ME1: variants seen among roughly 807,000 people sequenced by gnomAD.
ME1 encodes the protein NADP-dependent malic enzyme.
In ME1, 74 loss-of-function variants were observed where a neutral mutation model predicts 66.4. The ratio of observed to expected loss-of-function variants is 1.11; its 90% CI spans 0.92 to 1.35. The LOEUF (loss-of-function observed/expected upper bound fraction) is 1.35. Among genes scored for constraint, ME1 ranks in the 40% most tolerant of loss-of-function variants. The pLI is 0.00. For synonymous variants in ME1, 251 were observed against 235.6 expected (o/e 1.07, Z -0.60); for missense variants, 750 against 694.1 (o/e 1.08, Z -0.90).
chr6:83,242,465 G>C (rs1274843883), intron 7 of ME1, among the ~76,000 whole-genome samples: 1 of 151,922 alleles, frequency 6.6e-6, no homozygotes, highest in Non-Finnish European at 1.5e-5. Context: ...GAAGTAGCAG[G>C]GGGATGGGTG....
chr6:83,266,563 C>G (rs1327794376), intron 6 of ME1, among the ~76,000 whole-genome samples: 1 of 152,118 alleles, frequency 6.6e-6, no homozygotes, highest in African/African-American at 2.4e-5. Context: ...TATTGTCTAA[C>G]ACTAATCAAA....
At chr6:83,387,929 A>G (rs1769542420) in intron 3 of ME1, among the ~76,000 whole-genome samples, 1 of 152,144 alleles carries the variant, frequency 6.6e-6, no homozygotes, top group Admixed American at 6.5e-5. Flanking sequence ...AAATGTTAGG[A>G]CATTTTAACT....
intron 6 of ME1, among the ~76,000 whole-genome samples, chr6:83,305,634 A>AT (rs1767810032): frequency 6.6e-6 from 1 of 152,142 alleles, no homozygotes; most frequent in Non-Finnish European, 1.5e-5. Flanking sequence ...AGCACATCAT[A>AT]GAGGTCAGGA....
At chr6:83,237,256 A>AAAG (rs1256307286) in intron 9 of ME1, among the ~76,000 whole-genome samples, 1 of 103,950 alleles carries the variant, frequency 9.6e-6, no homozygotes, top group Admixed American at 9.9e-5. Context: ...AGAAAGAAAG[A>AAAG]AAGAAAGAAA....
chr6:83,389,717 T>TA (rs1209340734), intron 3 of ME1, among the ~76,000 whole-genome samples: 2 of 151,558 alleles, frequency 1.3e-5, no homozygotes, highest in Non-Finnish European at 2.9e-5. Context: ...AACTTTTCTT[T>TA]AAAAAAAAGT....
chr6:83,416,710 G>A (rs1483963330), intron 1 of ME1, among the ~76,000 whole-genome samples: 2 of 152,000 alleles, frequency 1.3e-5, no homozygotes, highest in African/African-American at 2.4e-5. Flanking sequence ...GCAACATAGT[G>A]AGATCCCCAT....
chr6:83,345,285 G>C (rs903055638), intron 5 of ME1, among the ~76,000 whole-genome samples: 5 of 152,204 alleles, frequency 3.3e-5, no homozygotes, highest in South Asian at 2.1e-4. Context: ...GATAAGCAAT[G>C]TATTTTTATT....
rs3216577 is a variant in ME1, at chr6:83,221,158, C to CAAAAAAAAAAA, written c.1449+2601_1449+2602insTTTTTTTTTTT. On this transcript the variant is annotated intron_variant, in intron 12 of 13. Coordinates refer to ENST00000369705, the MANE Select transcript of ME1 (RefSeq NM_002395.6). ...TTGGCAACAGAGCGAGACTCCGTCT[C>CAAAAAAAAAAA]AAAAAAAAAAGATAATCTACAATTT... is the stretch of plus-strand genomic sequence containing the variant. 7.0e-5 allele frequency among the ~76,000 whole-genome samples: 10 copies of CAAAAAAAAAAA among 143,304 alleles called. No individual in the cohort carries two copies. In the East Asian group the frequency reaches 8.2e-4, roughly 12 times the overall value. 94.0% of individuals were successfully genotyped at this position (143,304 alleles called of 152,430 possible). A position where few individuals can be genotyped will look rare whatever the true frequency, so the allele number is the denominator to read the frequency against.
chr6:83,345,047 T>C (rs905310656), intron 5 of ME1, among the ~76,000 whole-genome samples: 1 of 152,130 alleles, frequency 6.6e-6, no homozygotes, highest in Non-Finnish European at 1.5e-5. Context: ...GCCCAGGTTG[T>C]AGTCCAATTG....
chr6:83,235,723 C>T (rs1365216665), intron 9 of ME1, among the ~76,000 whole-genome samples: 12 of 152,090 alleles, frequency 7.9e-5, no homozygotes, highest in African/African-American at 2.9e-4. Flanking sequence ...CCACCCGCCT[C>T]GGCCTCCCAA....
chr6:83,356,293 G>A (rs1428588486), intron 3 of ME1, among the ~76,000 whole-genome samples: 1 of 152,020 alleles, frequency 6.6e-6, no homozygotes, highest in African/African-American at 2.4e-5. Flanking sequence ...AATAAGAAAA[G>A]TAAACCCCAC....
chr6:83,273,395 C>G (rs1041977634), intron 6 of ME1, among the ~76,000 whole-genome samples: 2 of 152,080 alleles, frequency 1.3e-5, no homozygotes, highest in African/African-American at 4.8e-5. Flanking sequence ...GGTTTAAACA[C>G]TGCTCTCCAA....
At chr6:83,255,350 A>G (rs1766746818) in intron 6 of ME1, among the ~76,000 whole-genome samples, 1 of 151,864 alleles carries the variant, frequency 6.6e-6, no homozygotes, top group Non-Finnish European at 1.5e-5. Context: ...TTTCTAATCT[A>G]GTACACTGTG....
chr6:83,235,545 A>T (rs957675794), intron 9 of ME1, among the ~76,000 whole-genome samples: 2 of 144,034 alleles, frequency 1.4e-5, no homozygotes, highest in African/African-American at 5.2e-5. Context: ...ATCTCGGCTC[A>T]CTGCAAGCTC....
At chr6:83,377,374 GAATTA>G (rs945574324) in intron 3 of ME1, among the ~76,000 whole-genome samples, 3 of 151,930 alleles carry the variant, frequency 2.0e-5, no homozygotes, top group African/African-American at 7.3e-5. Flanking sequence ...ACAGTTCTAA[GAATTA>G]AGTGACACTG....
Position 83,315,332 on chromosome 6 carries a change from A to G in ME1, c.682T>C (p.Phe228Leu), listed in dbSNP as rs1768010094. ...GSEYDDFLDE[F>L]MEAVSSKYGM... ...TACTTGGAAGAAACTGCCTCCATGA[A>G]TTCGTCCAAAAAATCATCATATTCA... Residue 228 changes from phenylalanine (F) to leucine (L), a missense_variant, in exon 6 of 14, where the codon TTC becomes CTC. By Grantham distance (22) the Phe-to-Leu change is conservative. Coordinates refer to ENST00000369705, the MANE Select transcript of ME1 (RefSeq NM_002395.6). 4 of 1,610,168 alleles carry G rather than the reference A, an allele frequency of 2.5e-6. No homozygotes were observed. Among genetic ancestry groups the G allele is most frequent in the Non-Finnish European group, 3.4e-6 (4 of 1,177,154 alleles).
At chr6:83,300,103 C>G (rs1041936315) in intron 6 of ME1, among the ~76,000 whole-genome samples, 1 of 151,934 alleles carries the variant, frequency 6.6e-6, no homozygotes, top group African/African-American at 2.4e-5. Flanking sequence ...TATCAGGCAG[C>G]CATCTAATCT....
intron 6 of ME1, among the ~76,000 whole-genome samples, chr6:83,290,945 C>CA (rs1554265842): frequency 6.6e-6 from 1 of 150,464 alleles, no homozygotes; most frequent in African/African-American, 2.4e-5. Context: ...GCAACCCCTG[C>CA]TTTTTTTTTG....
At chr6:83,279,993 C>T (rs1293733878) in intron 6 of ME1, among the ~76,000 whole-genome samples, 1 of 151,970 alleles carries the variant, frequency 6.6e-6, no homozygotes, top group Admixed American at 6.6e-5. Flanking sequence ...GAAAAGAAAC[C>T]CCACCAACCT....
Sources: gnomAD v4.1 joint callset for allele counts (sites outside exome capture counted in the v4.1 genomes callset) on GRCh38, gnomAD v4.1.1 for gene constraint, MANE v1.5 for transcripts, NCBI Gene and HGNC (gene_info 2026-07-23, HGNC 2026-07-21) for gene names.